UTP18: variants seen among roughly 807,000 people sequenced by gnomAD.
UTP18 encodes the protein U3 small nucleolar RNA-associated protein 18 homolog.
In UTP18, 36 loss-of-function variants were observed where a neutral mutation model predicts 61.1. The ratio of observed to expected loss-of-function variants is 0.59; its 90% CI spans 0.45 to 0.78. The LOEUF is 0.78. Ranked by LOEUF, UTP18 falls within the 30% of genes least tolerant of loss-of-function variation. The pLI is 0.00. For missense variants in UTP18, 753 were observed against 693.9 expected (o/e 1.09, Z -0.96); for synonymous variants, 282 against 251.1 (o/e 1.12, Z -1.16).
At chr17:51,282,096 T>C (rs1904949498) in intron 9 of UTP18, among the ~76,000 whole-genome samples, 1 of 152,216 alleles carries the variant, frequency 6.6e-6, no homozygotes, top group Non-Finnish European at 1.5e-5. Flanking sequence ...GGGCCATCCC[T>C]TGGGACAGCT....
intron 2 of UTP18, among the ~76,000 whole-genome samples, chr17:51,264,403 A>G (rs751144769): frequency 8.5e-5 from 13 of 152,154 alleles, no homozygotes; most frequent in Non-Finnish European, 1.5e-4. Flanking sequence ...CTCTTTATGT[A>G]TAAACCTTTC....
chr17:51,286,744 A>G (rs949398685), intron 10 of UTP18, among the ~76,000 whole-genome samples: 10 of 152,228 alleles, frequency 6.6e-5, no homozygotes, highest in African/African-American at 9.6e-5. Flanking sequence ...GCGCTATGGC[A>G]GCAATTCATG....
In UTP18 at chr17:51,266,126, G is replaced by T. The variant is rs892680892; in HGVS notation, c.456-56G>T. 5.3e-6 allele frequency: 7 copies of T among 1,331,230 alleles called. No individual in the cohort carries two copies. In the African/African-American group the frequency reaches 1.1e-4, roughly 20 times the overall value. 82.5% of individuals were successfully genotyped at this position (1,331,230 alleles called of 1,614,324 possible). On this transcript the variant is annotated intron_variant, in intron 2 of 13. Coordinates refer to ENST00000225298, the MANE Select transcript of UTP18 (RefSeq NM_016001.3). The stretch of plus-strand genomic sequence containing the variant: ...TTTTCTCCAAGTGCTAAAAGCAGCA[G>T]CTATTTATATTAACTCTTTAAAAGT...
intron 2 of UTP18, among the ~76,000 whole-genome samples, chr17:51,265,968 A>C (rs1035291640): frequency 6.6e-6 from 1 of 152,226 alleles, no homozygotes; most frequent in Admixed American, 6.5e-5. Context: ...CTCAAATAGT[A>C]GCTCTCCAAA....
chr17:51,280,509 A>G (rs766175093), intron 9 of UTP18, 30 bp downstream of exon 9: 12 of 1,609,138 alleles, frequency 7.5e-6, no homozygotes, highest in Non-Finnish European at 1.0e-5. Context: ...GAAGCTAAGG[A>G]TATTTTTACA....
At chr17:51,281,164 A>ATATTTTTTT (rs59857038) in intron 9 of UTP18, among the ~76,000 whole-genome samples, 13 of 140,436 alleles carry the variant, frequency 9.3e-5, no homozygotes, top group African/African-American at 3.5e-4. Context: ...ATATATATAT[A>ATATTTTTTT]TTTTTTTTAA....
intron 1 of UTP18, among the ~76,000 whole-genome samples, chr17:51,261,843 C>T (rs773281422): frequency 6.6e-6 from 1 of 151,840 alleles, no homozygotes; most frequent in African/African-American, 2.4e-5. Context: ...TTACCAGAGC[C>T]GCCTTCGGGT....
Position 51,260,749 on chromosome 17 carries a change from C to T in UTP18, c.165C>T (p.Ser55=). ...SSQRKPPARP[S]AAAAAIAVAA... ...AGCGGAAACCGCCGGCCCGGCCGAGCGCGGCGGCCGCTGCGATTGCAGTCG... is the reference window on the plus strand; with the variant it reads ...AGCGGAAACCGCCGGCCCGGCCGAGTGCGGCGGCCGCTGCGATTGCAGTCG... Residue 55 remains serine, a synonymous_variant, in exon 1 of 14, where the codon AGC becomes AGT. Transcript: ENST00000225298. 1 of 1,581,964 alleles carries T rather than the reference C, an allele frequency of 6.3e-7. No homozygotes were observed. Among genetic ancestry groups the T allele is most frequent in the Middle Eastern group, 1.9e-4 (1 of 5,396 alleles).
chr17:51,289,239 C>T (rs1905188121), intron 11 of UTP18, among the ~76,000 whole-genome samples: 1 of 151,228 alleles, frequency 6.6e-6, no homozygotes, highest in African/African-American at 2.4e-5. Flanking sequence ...CTCTGTTGCC[C>T]AGGCTGGACT....
intron 5 of UTP18, among the ~76,000 whole-genome samples, chr17:51,274,996 G>A (rs1211587978): frequency 6.6e-6 from 1 of 151,700 alleles, no homozygotes; most frequent in Non-Finnish European, 1.5e-5. Flanking sequence ...TTGGGAGTTT[G>A]AGACCAGCGT....
intron 10 of UTP18, 90 bp downstream of exon 10, chr17:51,285,458 GT>G: frequency 6.8e-7 from 1 of 1,465,950 alleles, no homozygotes; most frequent in Non-Finnish European, 9.2e-7. Flanking sequence ...TGCATGAGTA[GT>G]TCTCTTTATA....
At chr17:51,276,995 G>A (rs951543799) in intron 6 of UTP18, 135 bp from the exon 7 acceptor site, 5 of 833,850 alleles carry the variant, frequency 6.0e-6, no homozygotes, top group South Asian at 1.9e-5. Flanking sequence ...TAAATCACTG[G>A]CCGTGGCTGC....
chr17:51,261,400 C>G (rs1005895553), intron 1 of UTP18, among the ~76,000 whole-genome samples: 5 of 152,190 alleles, frequency 3.3e-5, no homozygotes, highest in Non-Finnish European at 7.3e-5. Context: ...TCGTGTATTC[C>G]GTTCATTTAG....
intron 7 of UTP18, among the ~76,000 whole-genome samples, chr17:51,277,619 A>C (rs572770449): frequency 6.6e-6 from 1 of 152,294 alleles, no homozygotes; most frequent in East Asian, 1.9e-4. Flanking sequence ...TGGAGCTAGA[A>C]GACCTGGATT....
intron 4 of UTP18, among the ~76,000 whole-genome samples, chr17:51,270,580 T>C (rs1260995779): frequency 3.3e-5 from 5 of 152,188 alleles, no homozygotes; most frequent in Non-Finnish European, 1.5e-5. Context: ...AGGAAGGTGA[T>C]GGTTTACTTT....
At chr17:51,260,972 G>T (rs2055449678) in intron 1 of UTP18, 46 bp downstream of exon 1, 4 of 1,417,218 alleles carry the variant, frequency 2.8e-6, no homozygotes, top group Non-Finnish European at 2.8e-6. Flanking sequence ...CGGGCGGGGC[G>T]CGCGGTGGGC....
intron 7 of UTP18, 144 bp downstream of exon 7, chr17:51,277,448 C>A: frequency 1.1e-6 from 1 of 933,482 alleles, no homozygotes; most frequent in Non-Finnish European, 1.5e-6. Context: ...TGTCTTTGTG[C>A]TTTTGAGATA....
At chr17:51,284,070 A>G (rs780146078) in intron 9 of UTP18, among the ~76,000 whole-genome samples, 2 of 152,246 alleles carry the variant, frequency 1.3e-5, no homozygotes, top group Non-Finnish European at 2.9e-5. Flanking sequence ...ATGTACAGGC[A>G]GACATATAAG....
chr17:51,268,707 A>G, intron 3 of UTP18, 130 bp from the exon 4 acceptor site: 1 of 711,308 alleles, frequency 1.4e-6, no homozygotes, highest in Non-Finnish European at 2.3e-6. Flanking sequence ...GTTCTTAAAG[A>G]TAGTTACTTC....
Sources: gnomAD v4.1 joint callset for allele counts (sites outside exome capture counted in the v4.1 genomes callset) on GRCh38, gnomAD v4.1.1 for gene constraint, MANE v1.5 for transcripts, NCBI Gene and HGNC (gene_info 2026-07-23, HGNC 2026-07-21) for gene names.